The following UBE2U variants were observed in gnomAD, a reference collection of about 807,000 sequenced individuals.
UBE2U encodes ubiquitin conjugating enzyme E2 U, also known as ubiquitin-conjugating enzyme E2 U.
A neutral mutation model predicts 41.2 loss-of-function variants in UBE2U; 39 were observed. The observed-to-expected ratio is 0.95, with a 90% confidence interval of 0.73 to 1.24. UBE2U has a LOEUF of 1.24. Ranked by LOEUF, UBE2U falls within the 50% of genes most tolerant of loss-of-function variation. The pLI, the probability that UBE2U is intolerant of heterozygous loss-of-function variation, is 0.00. For missense variants in UBE2U, 336 were observed against 363.1 expected (o/e 0.93, Z 0.61); for synonymous variants, 107 against 117.8 (o/e 0.91, Z 0.60).
At chr1:64,206,510 G>C (rs978004673) in intron 2 of UBE2U, among the ~76,000 whole-genome samples, 1 of 151,384 alleles carries the variant, frequency 6.6e-6, no homozygotes, top group Admixed American at 6.6e-5. Flanking sequence ...ATACAACAGA[G>C]GGGGTGGATG....
At chr1:64,208,306 A>T (rs186822214) in intron 3 of UBE2U, among the ~76,000 whole-genome samples, 6 of 152,238 alleles carry the variant, frequency 3.9e-5, no homozygotes, top group Admixed American at 1.3e-4. Context: ...AGTGTGTTAT[A>T]TTTAAAGACG....
chr1:64,244,958 C>T (rs964648972), intron 8 of UBE2U, among the ~76,000 whole-genome samples: 2 of 152,114 alleles, frequency 1.3e-5, no homozygotes, highest in African/African-American at 4.8e-5. Context: ...AATTGAGTTG[C>T]AAACTTTTAA....
chr1:64,206,904 T>C, intron 3 of UBE2U, 48 bp downstream of exon 3: 1 of 1,065,156 alleles, frequency 9.4e-7, no homozygotes, highest in Non-Finnish European at 1.4e-6. Context: ...GTCCCTATTA[T>C]CCTTGTTTCT....
intron 7 of UBE2U, among the ~76,000 whole-genome samples, chr1:64,240,302 G>T (rs1263147605): frequency 6.6e-6 from 1 of 152,144 alleles, no homozygotes; most frequent in Non-Finnish European, 1.5e-5. Context: ...GGGCATTAAG[G>T]ATGGTTAAGT....
chr1:64,236,864 C>T (rs1210949468), intron 7 of UBE2U, among the ~76,000 whole-genome samples: 1 of 152,158 alleles, frequency 6.6e-6, no homozygotes, highest in African/African-American at 2.4e-5. Flanking sequence ...CTCATGAGAA[C>T]CACCTGAGGA....
chr1:64,261,978 G>T (rs1645186166), intron 9 of UBE2U, among the ~76,000 whole-genome samples: 1 of 152,076 alleles, frequency 6.6e-6, no homozygotes, highest in South Asian at 2.1e-4. Flanking sequence ...AATCCTTAAT[G>T]CTCTAATACT....
intron 8 of UBE2U, among the ~76,000 whole-genome samples, chr1:64,250,758 T>A (rs1644994427): frequency 6.6e-6 from 1 of 152,026 alleles, no homozygotes; most frequent in Non-Finnish European, 1.5e-5. Context: ...TTCATGTCCT[T>A]TGTAGGGACA....
intron 7 of UBE2U, among the ~76,000 whole-genome samples, chr1:64,235,213 T>C (rs556705157): frequency 2.6e-5 from 4 of 152,248 alleles, no homozygotes; most frequent in African/African-American, 9.6e-5. Flanking sequence ...ACTAACCTAG[T>C]ATGTGATTCA....
At chr1:64,226,620 C>T (rs966504277) in intron 6 of UBE2U, among the ~76,000 whole-genome samples, 1 of 151,894 alleles carries the variant, frequency 6.6e-6, no homozygotes, top group Non-Finnish European at 1.5e-5. Context: ...TTGCTTGAGC[C>T]CAGGATTTCA....
intron 8 of UBE2U, among the ~76,000 whole-genome samples, chr1:64,250,206 G>A (rs141387949): frequency 2.6e-5 from 4 of 152,162 alleles, no homozygotes; most frequent in Admixed American, 6.5e-5. Flanking sequence ...AAATAAAAAC[G>A]TTTTTTGACC....
At position 64,204,124 on chromosome 1, in the gene UBE2U, C is replaced by T. The variant is rs773479646; in HGVS notation, c.66+8C>T. On this transcript the variant is annotated splice_region_variant and intron_variant, in intron 1 of 9. Coordinates refer to ENST00000371077, the MANE Select transcript of UBE2U (RefSeq NM_001366232.2). ...AAGGAGAACAATTATAAGGTAAGTACTGGGCACGTGGAGAGATGTGTTTCA... is the reference window on the plus strand; with the variant it reads ...AAGGAGAACAATTATAAGGTAAGTATTGGGCACGTGGAGAGATGTGTTTCA... The T allele has an allele frequency of 6.2e-7, 1 of 1,611,424 alleles. No individual in the cohort carries two copies. Among genetic ancestry groups the T allele is most frequent in the South Asian group, 1.1e-5 (1 of 90,616 alleles).
At chr1:64,239,153 GAAGAAAGAAGAAGAAGAAGAAGAA>G (rs1644765877) in intron 7 of UBE2U, among the ~76,000 whole-genome samples, 1 of 27,994 alleles carries the variant, frequency 3.6e-5, no homozygotes, top group Non-Finnish European at 6.3e-5. Flanking sequence ...AGAAGAAGAA[GAAGAAAGAAGAAGAAGAAGAAGAA>G]GAAGAAGAAG....
At chr1:64,239,174 A>AGAAGAAAGAAGAAGAAGAAGAAGAAGAAG (rs1644780773) in intron 7 of UBE2U, among the ~76,000 whole-genome samples, 1 of 94,490 alleles carries the variant, frequency 1.1e-5, no homozygotes, top group African/African-American at 4.4e-5. Flanking sequence ...AAGAAGAAGA[A>AGAAGAAAGAAGAAGAAGAAGAAGAAGAAG]GAAGAAGAAG....
rs1357137094 is a variant in UBE2U at position 64,208,595 on chromosome 1, C to T, written c.241+1739C>T. Reference sequence around the variant, plus strand: ...CTCCAGCCTGGGCAACAGAACAAGACGCTGTCTCAAAAAAAAAAAAAAAAA... The same window carrying T: ...CTCCAGCCTGGGCAACAGAACAAGATGCTGTCTCAAAAAAAAAAAAAAAAA... On this transcript the variant is annotated intron_variant, in intron 3 of 9. Transcript: ENST00000371077. Among the ~76,000 whole-genome samples the T allele has an allele frequency of 2.8e-4, 20 of 72,164 alleles. No individual in the cohort carries two copies. The Admixed American group carries it at 2.8e-3, about 10-fold the overall frequency. The allele number at this position is 72,164 out of a possible 152,430, so 47.3% of individuals were successfully genotyped here.
chr1:64,265,195 A>T (rs529590814), intron 9 of UBE2U, among the ~76,000 whole-genome samples: 1 of 152,288 alleles, frequency 6.6e-6, no homozygotes, highest in East Asian at 1.9e-4. Flanking sequence ...AGCAAGCAGT[A>T]AGAAGAGCTG....
intron 2 of UBE2U, among the ~76,000 whole-genome samples, chr1:64,206,167 A>T (rs902308770): frequency 6.6e-6 from 1 of 152,150 alleles, no homozygotes; most frequent in South Asian, 2.1e-4. Flanking sequence ...GCCACTATAA[A>T]CTTTAATGCT....
chr1:64,204,041 G>T lies in UBE2U; in HGVS notation c.-10G>T. On this transcript the variant is annotated 5_prime_UTR_variant, in exon 1 of 10. Coordinates refer to ENST00000371077, the MANE Select transcript of UBE2U (RefSeq NM_001366232.2). ...TTTGGGGACAAGTGTCAGACCCTCC[G>T]CTGCCTATCATGCACGGCAGAGCTT... is the stretch of plus-strand genomic sequence containing the variant. 1 of 1,612,674 alleles carries T rather than the reference G, an allele frequency of 6.2e-7. No homozygotes were observed. Among genetic ancestry groups the T allele is most frequent in the South Asian group, 1.1e-5 (1 of 90,786 alleles).
chr1:64,206,732 C>A, intron 2 of UBE2U, 32 bp from the exon 3 acceptor site: 3 of 1,308,314 alleles, frequency 2.3e-6, no homozygotes, highest in Non-Finnish European at 3.3e-6. Flanking sequence ...AAACATGACA[C>A]TTTAGTAAAA....
chr1:64,205,671 G>T lies in UBE2U; in HGVS notation c.99G>T (p.Met33Ile), dbSNP rs370171436. 6.2e-7 allele frequency: 1 copy of T among 1,613,120 alleles called. No individual in the cohort carries two copies. The highest frequency in any genetic ancestry group is 1.3e-5 in the African/African-American group (1 of 74,874). Residue 33 changes from methionine (M) to isoleucine (I), a missense_variant, in exon 2 of 10, where the codon ATG (methionine) becomes ATT (isoleucine). Met to Ile is a conservative substitution (Grantham distance 10, BLOSUM62 1). Coordinates refer to ENST00000371077, the MANE Select transcript of UBE2U (RefSeq NM_001366232.2). ...CTGCTAAGCCTGTAAGTGAAGATAT[G>T]ATGGAATGGGAAGTTGAAATTGAAG... ...GITAKPVSED[M>I]MEWEVEIEGL...
Sources: allele counts gnomAD v4.1 joint callset (sites outside exome capture counted in the v4.1 genomes callset), GRCh38; gene constraint gnomAD v4.1.1; transcripts MANE v1.5; gene names NCBI Gene and HGNC (gene_info 2026-07-23, HGNC 2026-07-21).